WDR11: variants seen among roughly 807,000 people sequenced by gnomAD.
The protein encoded by WDR11 is WD repeat-containing protein 11.
Under a neutral mutation model 151.2 loss-of-function variants are expected in WDR11, and 83 were observed. The observed-to-expected ratio is 0.55, with a 90% CI of 0.46 to 0.66. WDR11 has a LOEUF of 0.66. WDR11 is among the 30% of genes least tolerant of loss of function. The probability of loss-of-function intolerance (pLI) is 0.00; values close to 1 mark genes in which losing one functional copy is unlikely to be tolerated. For synonymous variants in WDR11, 484 were observed against 533.1 expected, an observed-to-expected ratio of 0.91 and a Z score of 1.27; for missense variants, 1,301 against 1,480.9, an observed-to-expected ratio of 0.88 and a Z score of 1.99.
intron 27 of WDR11, chr10:120,906,253 G>C: frequency 7.2e-7 from 1 of 1,395,686 alleles, no homozygotes; most frequent in Non-Finnish European, 9.3e-7. Flanking sequence ...GACTTAACAG[G>C]CACCTAGTAA....
rs1848184983 is a variant in WDR11 at position 120,908,998 on chromosome 10, T to C, written c.*285T>C. ...TTTAAGAGTCCCTGGAAATACTTTT[T>C]AATTTTTTTAACTTAAAATTCAAGA... On this transcript the variant is annotated 3_prime_UTR_variant, in exon 29 of 29. Coordinates refer to ENST00000263461, the MANE Select transcript of WDR11 (RefSeq NM_018117.12). 2.3e-5 allele frequency: 9 copies of C among 389,812 alleles called. No homozygotes were observed. The South Asian group carries it at 3.0e-4, about 13-fold the overall frequency. The allele number at this position is 389,812 out of a possible 1,614,324, so 24.1% of individuals were successfully genotyped here. A position where few individuals can be genotyped will look rare whatever the true frequency, so the allele number is the denominator to read the frequency against.
chr10:120,866,916 A>C (rs1287012050), intron 8 of WDR11, 150 bp from the exon 9 acceptor site: 1 of 1,072,028 alleles, frequency 9.3e-7, no homozygotes, highest in Non-Finnish European at 1.4e-6. Flanking sequence ...GAATTATGTA[A>C]ATCTGCTAGA....
intron 10 of WDR11, 116 bp downstream of exon 10, chr10:120,871,462 T>A: frequency 9.4e-7 from 1 of 1,064,662 alleles, no homozygotes; most frequent in Non-Finnish European, 1.4e-6. Context: ...AGATAGAGAC[T>A]AAGTGAAACT....
Position 120,905,895 on chromosome 10 carries a change from A to T in WDR11, c.3311A>T (p.Glu1104Val). 7.4e-6 allele frequency: 12 copies of T among 1,614,108 alleles called. No individual in the cohort carries two copies. The highest frequency in any genetic ancestry group is 1.0e-5 in the Non-Finnish European group (12 of 1,180,024). ...TCTCAGGTCCGTTTGAATCCTGAGG[A>T]GTGTGCCGATGTTTTAAGGCGGTGG... Reference protein sequence around the residue: ...WLAKVRLNPEECADVLRRWVD... With the variant: ...WLAKVRLNPEVCADVLRRWVD... Residue 1104 changes from glutamate (E) to valine (V), a missense_variant, in exon 27 of 29, where the codon GAG (glutamate) becomes GTG (valine). Around this residue, in one of 3 missense-constraint regions of WDR11, gnomAD observed 589 missense variants for 670.6 expected, o/e 0.88. Transcript: ENST00000263461.
At chr10:120,905,500 A>T in intron 26 of WDR11, 84 bp downstream of exon 26, 1 of 1,472,862 alleles carries the variant, frequency 6.8e-7, no homozygotes, top group Non-Finnish European at 9.5e-7. Flanking sequence ...TGACTTAGAA[A>T]CATTTTTTGG....
intron 10 of WDR11, among the ~76,000 whole-genome samples, chr10:120,871,552 T>C (rs1309922104): frequency 1.3e-5 from 2 of 152,146 alleles, no homozygotes; most frequent in Non-Finnish European, 2.9e-5. Flanking sequence ...ATTGGAATGC[T>C]GAGTCTTCAT....
chr10:120,905,895 A>C lies in WDR11; in HGVS notation c.3311A>C (p.Glu1104Ala). ...TCTCAGGTCCGTTTGAATCCTGAGG[A>C]GTGTGCCGATGTTTTAAGGCGGTGG... ...WLAKVRLNPE[E>A]CADVLRRWVD... Residue 1104 changes from glutamate (E) to alanine (A), a missense_variant, in exon 27 of 29, where the codon GAG becomes GCG. Glu to Ala is a moderately radical substitution (Grantham distance 107). Transcript: ENST00000263461. 1 of 1,614,108 alleles carries C rather than the reference A, an allele frequency of 6.2e-7. No homozygotes were observed. Among genetic ancestry groups the C allele is most frequent in the Non-Finnish European group, 8.5e-7 (1 of 1,180,024 alleles).
chr10:120,892,814 C>A (rs777585355), intron 19 of WDR11, among the ~76,000 whole-genome samples: 1 of 152,072 alleles, frequency 6.6e-6, no homozygotes, highest in Non-Finnish European at 1.5e-5. Context: ...CCTTTCTTAT[C>A]GGCTGCCTAA....
At chr10:120,878,594 C>A in intron 12 of WDR11, 135 bp downstream of exon 12, 1 of 691,130 alleles carries the variant, frequency 1.4e-6, no homozygotes, top group Middle Eastern at 4.1e-4. Flanking sequence ...TTCTTTTATT[C>A]TCTAATAATT....
At chr10:120,882,836 C>T (rs1169375199) in intron 13 of WDR11, among the ~76,000 whole-genome samples, 1 of 151,822 alleles carries the variant, frequency 6.6e-6, no homozygotes, top group Non-Finnish European at 1.5e-5. Flanking sequence ...TCATGCTTAT[C>T]TTTTGTTCTT....
chr10:120,906,752 C>A (rs1300035625), intron 27 of WDR11, 24 bp from the exon 28 acceptor site: 2 of 1,614,062 alleles, frequency 1.2e-6, no homozygotes, highest in Non-Finnish European at 1.7e-6. Flanking sequence ...CAAAGCATAA[C>A]TCTTGTTTTG....
intron 23 of WDR11, among the ~76,000 whole-genome samples, chr10:120,903,578 A>G (rs1315514214): frequency 6.6e-6 from 1 of 152,012 alleles, no homozygotes; most frequent in Non-Finnish European, 1.5e-5. Flanking sequence ...AGCCTGATCA[A>G]GATTTGAAAA....
At position 120,901,059 on chromosome 10, in the gene WDR11, T is replaced by C. The variant is rs750125094; in HGVS notation, c.2648T>C (p.Ile883Thr). 2.5e-6 allele frequency: 4 copies of C among 1,612,880 alleles called. No individual in the cohort carries two copies. The highest frequency in any genetic ancestry group is 1.1e-5 in the South Asian group (1 of 91,038). The change falls in exon 21 of 29, where the codon ATA becomes ACA. Residue 883 changes from isoleucine to threonine, a missense_variant. Physicochemically the swap from Ile to Thr is moderately conservative, Grantham distance 89. Transcript: ENST00000263461. The part of the protein sequence containing the change: ...SHVDYPENEE[I>T]KNLLQEQLNS... ...AGTGACTATCCAGAAAATGAAGAAA[T>C]AAAGAATCTCCTCCAAGAACAGTTG...
chr10:120,872,899 G>A (rs947141517), intron 10 of WDR11, among the ~76,000 whole-genome samples: 11 of 152,088 alleles, frequency 7.2e-5, no homozygotes, highest in Non-Finnish European at 1.6e-4. Flanking sequence ...AATTTGCCCA[G>A]CATTTTTACT....
chr10:120,868,578 A>G (rs1846401032), intron 9 of WDR11: 1 of 152,204 alleles, frequency 6.6e-6, no homozygotes, highest in Non-Finnish European at 1.5e-5. Flanking sequence ...CAGCTTTGCA[A>G]TGTAAGTAAT....
At position 120,892,259 on chromosome 10, in the gene WDR11, G is replaced by A. The variant is rs550016376; in HGVS notation, c.2515+1372G>A. On this transcript the variant is annotated intron_variant, in intron 19 of 28. Transcript: ENST00000263461. ...ACCATACTTGAACATCTGGCCTGTG[G>A]CCAGATTTTAGATCACATGTTTCTT... is the stretch of plus-strand genomic sequence containing the variant. Among the ~76,000 whole-genome samples, 6 of 152,182 alleles carry A rather than the reference G, an allele frequency of 3.9e-5. No homozygotes were observed. In the East Asian group the frequency reaches 5.8e-4, roughly 15 times the overall value.
chr10:120,863,894 T>G (rs1281324384), intron 5 of WDR11, among the ~76,000 whole-genome samples: 3 of 152,200 alleles, frequency 2.0e-5, no homozygotes, highest in Admixed American at 2.0e-4. Flanking sequence ...TGTGCCAAAA[T>G]GACTTAAGAT....
At chr10:120,905,766 G>A in intron 26 of WDR11, 110 bp from the exon 27 acceptor site, 1 of 1,580,584 alleles carries the variant, frequency 6.3e-7, no homozygotes. Flanking sequence ...TGCTAGTCAA[G>A]CAGAGCATAG....
intron 19 of WDR11, among the ~76,000 whole-genome samples, chr10:120,897,952 A>C (rs1472563218): frequency 2.0e-5 from 3 of 152,232 alleles, no homozygotes; most frequent in Non-Finnish European, 4.4e-5. Context: ...TGAAAAATCC[A>C]CATAAAATAT....
Sources: gnomAD v4.1 joint callset for allele counts (sites outside exome capture counted in the v4.1 genomes callset) on GRCh38, gnomAD v4.1.1 for gene constraint, gnomAD v4.1.1 regional missense constraint, MANE v1.5 for transcripts, NCBI Gene and HGNC (gene_info 2026-07-23, HGNC 2026-07-21) for gene names.